MATN4: variants seen among roughly 807,000 people sequenced by gnomAD.
The protein encoded by MATN4 is matrilin-4.
MATN4 carries 40 observed loss-of-function variants against 54.6 expected under a neutral mutation model. The observed-to-expected ratio is 0.73, with a 90% CI of 0.57 to 0.95. The LOEUF (loss-of-function observed/expected upper bound fraction) is 0.95, where lower values mean the gene tolerates loss of function less well. MATN4 is among the 40% of genes least tolerant of loss of function. The pLI, the probability that MATN4 is intolerant of heterozygous loss-of-function variation, is 0.00. For missense variants in MATN4, 810 were observed against 819.1 expected (o/e 0.99, Z 0.13); for synonymous variants, 351 against 345.3 (o/e 1.02, Z -0.18).
chr20:45,305,429 C>A, intron 2 of MATN4, 81 bp downstream of exon 2: 1 of 1,131,106 alleles, frequency 8.8e-7, no homozygotes. Context: ...TTCCCTCTCC[C>A]CAGCAGGAGG....
At chr20:45,299,877 CAAAAAAA>C (rs372123175) in intron 6 of MATN4, among the ~76,000 whole-genome samples, 12 of 4,050 alleles carry the variant, frequency 3.0e-3, no homozygotes, top group Admixed American at 0.022. Flanking sequence ...GACTTAGTCT[CAAAAAAA>C]AAAAAAAAAA....
intron 3 of MATN4, chr20:45,303,286 T>C: frequency 1.6e-6 from 1 of 639,156 alleles, no homozygotes; most frequent in South Asian, 1.8e-5. Context: ...GGTGTGCTTT[T>C]ACTGCCAAAG....
At position 45,305,805 on chromosome 20, in the gene MATN4, C is replaced by CTTTTTTTTTTTTTTTTTTTTT. The variant is rs758735302; in HGVS notation, c.-34-190_-34-189insAAAAAAAAAAAAAAAAAAAAA. Among the ~76,000 whole-genome samples the CTTTTTTTTTTTTTTTTTTTTT allele has an allele frequency of 9.3e-3, 599 of 64,676 alleles. 229 individuals carry two copies. The highest frequency in any genetic ancestry group is 0.085 in the East Asian group (92 of 1,088). 42.4% of individuals were successfully genotyped at this position (64,676 alleles called of 152,430 possible). On this transcript the variant is annotated intron_variant, in intron 1 of 9. Transcript: ENST00000372756. ...GGATTGCTGGGAAACACAAGAGATTCTTTTTTTTTTTTTTTTTAGATAGAG... is the reference window on the plus strand; with the variant it reads ...GGATTGCTGGGAAACACAAGAGATTCTTTTTTTTTTTTTTTTTTTTTTTTTTTTTTTTTTTTTTAGATAGAG...
intron 5 of MATN4, 45 bp downstream of exon 5, chr20:45,301,057 T>A: frequency 6.2e-7 from 1 of 1,614,072 alleles, no homozygotes; most frequent in Non-Finnish European, 8.5e-7. Context: ...CCCCACCAGC[T>A]AAGATCTCTT....
Position 45,301,805 on chromosome 20 carries a change from G to A in MATN4, c.644-362C>T, listed in dbSNP as rs76525897. Among the ~76,000 whole-genome samples, 817 of 150,852 alleles carry A rather than the reference G, an allele frequency of 5.4e-3. 7 individuals are homozygous for A. Among genetic ancestry groups the A allele is most frequent in the African/African-American group, 0.017 (706 of 41,050 alleles). On this transcript the variant is annotated intron_variant, in intron 3 of 9. Coordinates refer to ENST00000372756, the MANE Select transcript of MATN4 (RefSeq NM_001393530.1). ...GGACTGGAGAGAAGATAATTACCCTGTATAAAAAAGTGAGTATTTGGGGTT... is the reference window on the plus strand; with the variant it reads ...GGACTGGAGAGAAGATAATTACCCTATATAAAAAAGTGAGTATTTGGGGTT...
rs77476478 is a variant in MATN4 at position 45,301,397 on chromosome 20, G to A, written c.690C>T (p.Cys230=). The A allele has an allele frequency of 2.3e-4, 373 of 1,614,102 alleles. 1 individual carries two copies. The African/African-American group carries it at 3.9e-3, about 17-fold the overall frequency. ...AEGTHGCEHH[C]VNSPGSYFCH... is the part of the protein sequence containing the mutation. ...AGAAATAGGAGCCTGGGGAATTGAC[G>A]CAGTGGTGCTCACATCCATGGGTCC... The change falls in exon 4 of 10, where the codon TGC becomes TGT. Residue 230 remains cysteine (C), a synonymous_variant. Coordinates refer to ENST00000372756, the MANE Select transcript of MATN4 (RefSeq NM_001393530.1).
chr20:45,300,966 C>G lies in MATN4; in HGVS notation c.933G>C (p.Gln311His). ...CNGVDHGCEF[Q>H]CVSEGLSYRC... ...GGTAGGAGAGGCCCTCGCTCACACA[C>G]TGGAACTCACAGCCATGGTCCACGC... is the stretch of plus-strand genomic sequence containing the variant. Residue 311 changes from glutamine to histidine, a missense_variant, in exon 6 of 10, where the codon CAG becomes CAC. By Grantham distance (24) the Gln-to-His change is conservative (BLOSUM62 0). Transcript: ENST00000372756. 1 of 1,614,186 alleles carries G rather than the reference C, an allele frequency of 6.2e-7. No individual in the cohort carries two copies. The highest frequency in any genetic ancestry group is 8.5e-7 in the Non-Finnish European group (1 of 1,180,018).
At position 45,298,061 on chromosome 20, in the gene MATN4, A is replaced by C. The variant is rs1174323395; in HGVS notation, c.1436T>G (p.Met479Arg). The change falls in exon 8 of 10, where the codon ATG (methionine) becomes AGG (arginine). Residue 479 changes from methionine to arginine, a missense_variant. Met to Arg is a moderately conservative substitution (Grantham distance 91). Coordinates refer to ENST00000372756, the MANE Select transcript of MATN4 (RefSeq NM_001393530.1). This position sits in a 1 kb window ranked among gnomAD's most constrained non-coding sequence, Gnocchi z 4.6. ...CGCCTTGCCCACGCCCACGGCGTAC[A>C]TGACGATGCCTGCAAGGCCGGGGTC... is the stretch of plus-strand genomic sequence containing the variant. ...AARAKEEGIV[M>R]YAVGVGKAVE... 1.2e-5 allele frequency: 20 copies of C among 1,613,336 alleles called. No homozygotes were observed. Among genetic ancestry groups the C allele is most frequent in the Non-Finnish European group, 1.6e-5 (19 of 1,179,692 alleles).
chr20:45,305,428 C>T (rs369135701), intron 2 of MATN4, 82 bp downstream of exon 2: 3 of 1,122,318 alleles, frequency 2.7e-6, no homozygotes, highest in African/African-American at 3.1e-5. Flanking sequence ...CTTCCCTCTC[C>T]CCAGCAGGAG....
In MATN4 at chr20:45,304,653, A is replaced by G. The variant is rs1036518861; in HGVS notation, c.218T>C (p.Val73Ala). The G allele has an allele frequency of 1.2e-6, 2 of 1,612,058 alleles. No homozygotes were observed. Among genetic ancestry groups the G allele is most frequent in the African/African-American group, 2.7e-5 (2 of 74,926 alleles). ...TTGACTCGAATACTGGATCACGCCA[A>G]CGCGCGTGGCGTTGGGACCCACGTT... ...GLNVGPNATR[V>A]GVIQYSSQVQ... The change falls in exon 3 of 10, where the codon GTT becomes GCT. Residue 73 changes from valine (V) to alanine (A), a missense_variant. Val to Ala is a moderately conservative substitution (Grantham distance 64). Transcript: ENST00000372756.
At chr20:45,308,428 C>T, upstream of MATN4, 2 of 587,572 alleles carry the variant, frequency 3.4e-6, no homozygotes, top group South Asian at 2.0e-5. Context: ...AAACCCAGCA[C>T]CCCCTGCTCC....
chr20:45,305,442 C>G, intron 2 of MATN4, 68 bp downstream of exon 2: 1 of 1,250,038 alleles, frequency 8.0e-7, no homozygotes, highest in Non-Finnish European at 1.1e-6. Context: ...GCAGGAGGAG[C>G]TGGCTGCAGA....
In MATN4 at chr20:45,297,967, G is replaced by T; in HGVS notation, c.1530C>A (p.Phe510Leu). 6.2e-7 allele frequency: 1 copy of T among 1,614,200 alleles called. No individual in the cohort carries two copies. Among genetic ancestry groups the T allele is most frequent in the Non-Finnish European group, 8.5e-7 (1 of 1,180,032 alleles). ...AELHVSYAPD[F>L]GTMTHLLENL... ...TCTCCAGCAGGTGCGTCATGGTGCCGAAGTCCGGGGCATAGGACACGTGCA... is the reference window on the plus strand; with the variant it reads ...TCTCCAGCAGGTGCGTCATGGTGCCTAAGTCCGGGGCATAGGACACGTGCA... The change falls in exon 8 of 10, where the codon TTC (phenylalanine) becomes TTA (leucine). Residue 510 changes from phenylalanine to leucine, a missense_variant. Coordinates refer to ENST00000372756, the MANE Select transcript of MATN4 (RefSeq NM_001393530.1).
intron 3 of MATN4, among the ~76,000 whole-genome samples, chr20:45,301,827 G>A (rs931862761): frequency 2.3e-4 from 35 of 151,168 alleles, no homozygotes; most frequent in African/African-American, 6.6e-4. Context: ...GAGTATTTGG[G>A]GTTCCTGGAA....
At chr20:45,308,380 T>G, upstream of MATN4, 1 of 635,242 alleles carries the variant, frequency 1.6e-6, no homozygotes. Context: ...CCCCTCCCAC[T>G]GGCAGGGAGG....
At position 45,298,499 on chromosome 20, in the gene MATN4, C is replaced by T. The variant is rs1193170482; in HGVS notation, c.1097G>A (p.Arg366His). 5.0e-6 allele frequency: 8 copies of T among 1,613,258 alleles called. No homozygotes were observed. Among genetic ancestry groups the T allele is most frequent in the Middle Eastern group, 1.7e-4 (1 of 6,054 alleles). The change falls in exon 7 of 10, where the codon CGC becomes CAC. Residue 366 changes from arginine (R) to histidine (H), a missense_variant. Coordinates refer to ENST00000372756, the MANE Select transcript of MATN4 (RefSeq NM_001393530.1). The surrounding 1 kb of genome is among the most constrained non-coding windows in gnomAD (Gnocchi z 4.6). ...VRPQNFELVK[R>H]FVNQIVDFLD... The stretch of plus-strand genomic sequence containing the variant: ...GAAGTCCACAATCTGGTTCACGAAG[C>T]GCTTCACTAGCTCGAAGTTTTGTGG...
At chr20:45,294,989 A>G (rs551101580) in intron 8 of MATN4, among the ~76,000 whole-genome samples, 10 of 152,300 alleles carry the variant, frequency 6.6e-5, no homozygotes, top group Admixed American at 2.0e-4. Context: ...ATGATCTGTC[A>G]CTGTCTCCCA....
In MATN4 at chr20:45,301,311, T is replaced by C. The variant is rs1190380722; in HGVS notation, c.766+10A>G. ...CCAGGGTGTGGTGGGAGGGTGGGGG[T>C]GTTGCTCACCCCTGCAGCTCCTCTG... On this transcript the variant is annotated intron_variant, in intron 4 of 9. Transcript: ENST00000372756. The C allele has an allele frequency of 6.2e-7, 1 of 1,613,722 alleles. No individual in the cohort carries two copies. The highest frequency in any genetic ancestry group is 1.1e-5 in the South Asian group (1 of 91,054).
rs1256228185 is a variant in MATN4, at chr20:45,298,392, A to AGCGACCCAGAGGGAACTCGGT, written c.1183_1203dup (p.Thr395_Arg401dup). 5.0e-6 allele frequency: 8 copies of AGCGACCCAGAGGGAACTCGGT among 1,612,452 alleles called. No homozygotes were observed. Among genetic ancestry groups the AGCGACCCAGAGGGAACTCGGT allele is most frequent in the Non-Finnish European group, 6.8e-6 (8 of 1,179,324 alleles). On this transcript the variant is annotated inframe_insertion, in exon 7 of 10. Coordinates refer to ENST00000372756, the MANE Select transcript of MATN4 (RefSeq NM_001393530.1). This position sits in a 1 kb window ranked among gnomAD's most constrained non-coding sequence, Gnocchi z 4.6. ...TGCTTCACCTCGGCTGCGGTGCCGT[A>AGCGACCCAGAGGGAACTCGGT]GCGACCCAGAGGGAACTCGGTGCGC...
Sources: allele counts gnomAD v4.1 joint callset (sites outside exome capture counted in the v4.1 genomes callset), GRCh38; gene constraint gnomAD v4.1.1; non-coding constraint Gnocchi (gnomAD v3.1); transcripts MANE v1.5; gene names NCBI Gene and HGNC (gene_info 2026-07-23, HGNC 2026-07-21).